The following PERM1 variants were observed in gnomAD, a reference collection of about 807,000 sequenced individuals.
PERM1 encodes the protein PPARGC1 and ESRR induced regulator, muscle 1.
In PERM1, 45 loss-of-function variants were observed where a neutral mutation model predicts 44.1. The observed-to-expected ratio is 1.02, with a 90% CI of 0.80 to 1.31. The LOEUF (loss-of-function observed/expected upper bound fraction) is 1.31, where lower values mean the gene tolerates loss of function less well. PERM1 is among the 50% of genes most tolerant of loss of function. The pLI is 0.00. For missense variants in PERM1, 1,189 were observed against 1,106.9 expected (o/e 1.07, Z -1.05); for synonymous variants, 565 against 477.1 (o/e 1.18, Z -2.40).
chr1:976,381 T>C (rs766415385), intron 2 of PERM1, 112 bp from the exon 4 acceptor site: 2 of 1,499,714 alleles, frequency 1.3e-6, no homozygotes, highest in South Asian at 2.6e-5. Context: ...GGGCCGCAGC[T>C]CAGCCTGGGG....
At chr1:981,138 T>C (rs1643784931), upstream of PERM1, 4 of 1,548,552 alleles carry the variant, frequency 2.6e-6, no homozygotes, top group East Asian at 4.9e-5. Context: ...CCACGAGACC[T>C]GGGAGCTCCC....
intron 2 of PERM1, 40 bp from the exon 4 acceptor site, chr1:976,309 C>T: frequency 6.8e-7 from 1 of 1,469,720 alleles, no homozygotes; most frequent in Non-Finnish European, 9.0e-7. Context: ...GCCAGCCTGG[C>T]TGTCGGCACC....
chr1:981,273 T>C, upstream of PERM1: 1 of 1,273,982 alleles, frequency 7.8e-7, no homozygotes, highest in Non-Finnish European at 1.1e-6. Context: ...CCCATGACCC[T>C]AGTTCCCAAC....
exon 1 of PERM1, chr1:979,870 G>C (rs1643741207): frequency 6.5e-7 from 1 of 1,549,086 alleles, no homozygotes; most frequent in Admixed American, 2.0e-5. Context: ...GATGGGTGTA[G>C]ACAGAGCCAC....
At chr1:976,183 G>C in exon 3 of PERM1, 2 of 1,546,042 alleles carry the variant, frequency 1.3e-6, no homozygotes, top group Non-Finnish European at 1.7e-6. Flanking sequence ...TAGGAGCTGG[G>C]GCTGGGGCTG....
upstream of PERM1, chr1:982,072 C>T (rs1643802466): frequency 1.6e-6 from 2 of 1,288,282 alleles, no homozygotes; most frequent in African/African-American, 1.5e-5. Context: ...TACCTGGGTC[C>T]CGGCGGCCGA....
At chr1:976,570 A>G (rs1338675425) in exon 2 of PERM1, 3 of 1,549,476 alleles carry the variant, frequency 1.9e-6, no homozygotes, top group Non-Finnish European at 1.7e-6. Context: ...TACAAACACC[A>G]GGCACATGTC....
exon 1 of PERM1, chr1:981,011 T>C (rs1643781725): frequency 1.3e-6 from 2 of 1,527,574 alleles, no homozygotes; most frequent in Admixed American, 2.3e-5. Context: ...AGCTGGACGC[T>C]GTACTGGAAA....
chr1:979,349 G>A (rs1231757864), exon 1 of PERM1: 16 of 1,515,960 alleles, frequency 1.1e-5, no homozygotes, highest in African/African-American at 5.6e-5. Flanking sequence ...GGAGGGGGGC[G>A]AGGCAGGTGC....
At chr1:976,111 C>T (rs2100492690) in exon 3 of PERM1, 1 of 1,500,680 alleles carries the variant, frequency 6.7e-7, no homozygotes, top group Non-Finnish European at 9.0e-7. Flanking sequence ...GGCACCTCGT[C>T]CTGCCCTGGG....
exon 1 of PERM1, chr1:979,416 G>C (rs775920080): frequency 6.6e-7 from 1 of 1,524,664 alleles, no homozygotes. Flanking sequence ...CCCAGGCTCC[G>C]GGCCCCCCGT....
chr1:980,466 C>T (rs1180909371), exon 1 of PERM1: 1 of 1,527,330 alleles, frequency 6.5e-7, no homozygotes, highest in African/African-American at 1.4e-5. Flanking sequence ...CCTTGGCACC[C>T]ACAGCTCGCC....
At chr1:979,406 C>T (rs1270818590) in exon 1 of PERM1, 3 of 1,517,712 alleles carry the variant, frequency 2.0e-6, no homozygotes, top group Non-Finnish European at 2.6e-6. Flanking sequence ...GCCACAGCCT[C>T]CCAGGCTCCG....
At chr1:980,335 G>C (rs1039355166) in exon 1 of PERM1, 16 of 1,550,130 alleles carry the variant, frequency 1.0e-5, no homozygotes, top group Admixed American at 2.0e-5. Flanking sequence ...AGCTCCTGCA[G>C]GACCTGGCCC....
chr1:979,519 A>C, exon 1 of PERM1: 1 of 1,549,946 alleles, frequency 6.5e-7, no homozygotes. Context: ...GGAGAAGCGC[A>C]CTTTCTTCTT....
Position 976,237 on chromosome 1 carries a change from T to C in PERM1, c.2308A>G (p.Ile770Val), listed in dbSNP as rs749314391. The change falls in exon 3 of 3, where the codon ATC becomes GTC. Residue 770 changes from isoleucine to valine, a missense_variant. Ile to Val is a conservative substitution (Grantham distance 29). Around this residue, in one of 3 missense-constraint regions of PERM1, gnomAD observed 900 missense variants for 760.4 expected, o/e 1.18. Transcript: ENST00000433179. ...CCCACCTGCCGGCGGAAGTAGCGGA[T>C]GGCAGAGATGGTGCCGACGTTGGCC... The C allele has an allele frequency of 8.5e-6, 13 of 1,536,132 alleles. No individual in the cohort carries two copies. The South Asian group carries it at 1.6e-4, about 19-fold the overall frequency.
At chr1:979,965 G>A (rs1255390058) in exon 1 of PERM1, 1 of 1,549,622 alleles carries the variant, frequency 6.5e-7, no homozygotes, top group East Asian at 2.5e-5. Flanking sequence ...CCATGTCCCT[G>A]TCAGGTTGCG....
intron 1 of PERM1, 101 bp from the exon 3 acceptor site, chr1:976,725 G>A (rs1643626160): frequency 7.8e-7 from 1 of 1,274,574 alleles, no homozygotes; most frequent in Non-Finnish European, 1.0e-6. Flanking sequence ...CCAACCCCGG[G>A]AACCGCCTCC....
At chr1:978,791 G>A in intron 1 of PERM1, 90 bp downstream of exon 2, 2 of 1,260,892 alleles carry the variant, frequency 1.6e-6, no homozygotes, top group Non-Finnish European at 2.1e-6. Context: ...AGCCCGGCCT[G>A]CCCGGCCCCT....
Sources: allele counts gnomAD v4.1 joint callset, GRCh38; gene constraint gnomAD v4.1.1; regional missense constraint gnomAD v4.1.1; transcripts MANE v1.5; gene names NCBI Gene and HGNC (gene_info 2026-07-23, HGNC 2026-07-21).